RAP1GAP2: variants seen among roughly 807,000 people sequenced by gnomAD.
RAP1GAP2 encodes the protein RAP1 GTPase activating protein 2, also known as rap1 GTPase-activating protein 2.
A neutral mutation model predicts 95.0 loss-of-function variants in RAP1GAP2; 27 were observed. That is an observed-to-expected ratio of 0.28 (90% CI 0.21 to 0.39). The LOEUF (loss-of-function observed/expected upper bound fraction) is 0.39. RAP1GAP2 is among the 10% of genes least tolerant of loss of function. The pLI is 1.00. For missense variants in RAP1GAP2, 771 were observed against 970.0 expected (o/e 0.79, Z 2.72); for synonymous variants, 373 against 380.9 (o/e 0.98, Z 0.24).
At position 2,800,704 on chromosome 17, in the gene RAP1GAP2, T is replaced by G. The variant is rs2069251717; in HGVS notation, c.80+154T>G. Among the ~76,000 whole-genome samples, 5 of 152,260 alleles carry G rather than the reference T, an allele frequency of 3.3e-5. 1 individual carries two copies. In the Middle Eastern group the frequency reaches 0.01, roughly 311 times the overall value. ...ATGGTGCTTCCAGATCGGAGGAGGCTGGACTAACTCTTATTCCTGGGGTGT... is the reference window on the plus strand; with the variant it reads ...ATGGTGCTTCCAGATCGGAGGAGGCGGGACTAACTCTTATTCCTGGGGTGT... On this transcript the variant is annotated intron_variant, in intron 2 of 24. Transcript: ENST00000254695.
chr17:3,031,579 C>T (rs2047301466), intron 23 of RAP1GAP2, among the ~76,000 whole-genome samples: 1 of 146,440 alleles, frequency 6.8e-6, no homozygotes, highest in Non-Finnish European at 1.5e-5. Flanking sequence ...GTTCCTGGGT[C>T]CCGAATCCCT....
At chr17:2,923,816 A>G (rs1253768547) in intron 3 of RAP1GAP2, among the ~76,000 whole-genome samples, 2 of 152,246 alleles carry the variant, frequency 1.3e-5, no homozygotes, top group Non-Finnish European at 2.9e-5. Context: ...CCATCCAGAA[A>G]TATCCGTTCT....
intron 3 of RAP1GAP2, among the ~76,000 whole-genome samples, chr17:2,907,758 C>T (rs1187168450): frequency 6.6e-6 from 1 of 152,004 alleles, no homozygotes; most frequent in African/African-American, 2.4e-5. Flanking sequence ...TTTGCGAGCC[C>T]CTTAGAAATG....
At chr17:2,905,126 G>A (rs535695049) in intron 2 of RAP1GAP2, among the ~76,000 whole-genome samples, 158 bp from the exon 3 acceptor site, 7 of 152,296 alleles carry the variant, frequency 4.6e-5, no homozygotes, top group Non-Finnish European at 7.4e-5. Context: ...CAGGTGATCC[G>A]TCTGCCTCGG....
At chr17:2,822,093 A>C (rs560335863) in intron 2 of RAP1GAP2, among the ~76,000 whole-genome samples, 1 of 152,308 alleles carries the variant, frequency 6.6e-6, no homozygotes, top group South Asian at 2.1e-4. Context: ...TTGGGCAGAC[A>C]GAACTGTCAC....
chr17:3,003,000 C>T (rs1407598910), intron 14 of RAP1GAP2, among the ~76,000 whole-genome samples: 5 of 151,682 alleles, frequency 3.3e-5, no homozygotes, highest in East Asian at 1.9e-4. Context: ...GGCCACTGGG[C>T]GACAGTGGTT....
At chr17:2,921,577 G>C (rs1035985572) in intron 3 of RAP1GAP2, among the ~76,000 whole-genome samples, 1 of 151,814 alleles carries the variant, frequency 6.6e-6, no homozygotes, top group Non-Finnish European at 1.5e-5. Flanking sequence ...TAAAGTGTCC[G>C]CAGGGCCTTT....
Position 2,959,561 on chromosome 17 carries a change from C to T in RAP1GAP2, c.201+1767C>T, listed in dbSNP as rs75127971. ...CGTGGGCCTTGAGCCTGGGCTCCATCTCTCTTCATCTTGCACGTGTGGAAA... is the reference window on the plus strand; with the variant it reads ...CGTGGGCCTTGAGCCTGGGCTCCATTTCTCTTCATCTTGCACGTGTGGAAA... On this transcript the variant is annotated intron_variant, in intron 4 of 24. Transcript: ENST00000254695. 3.2e-3 allele frequency among the ~76,000 whole-genome samples: 489 copies of T among 152,324 alleles called. 7 individuals are homozygous for T. The highest frequency in any genetic ancestry group is 0.027 in the South Asian group (128 of 4,830).
At chr17:2,915,492 T>C (rs549878644) in intron 3 of RAP1GAP2, among the ~76,000 whole-genome samples, 2 of 151,852 alleles carry the variant, frequency 1.3e-5, no homozygotes, top group South Asian at 4.2e-4. Context: ...ACCTTGGCTT[T>C]CCAAAGTGCT....
At chr17:2,984,597 A>G (rs180858130) in intron 10 of RAP1GAP2, among the ~76,000 whole-genome samples, 1 of 152,212 alleles carries the variant, frequency 6.6e-6, no homozygotes, top group Admixed American at 6.5e-5. Flanking sequence ...TGCTGATTAG[A>G]GGTGGAATTA....
Position 3,005,330 on chromosome 17 carries a change from C to T in RAP1GAP2, c.1201-39C>T. On this transcript the variant is annotated intron_variant, in intron 14 of 24. Coordinates refer to ENST00000254695, the MANE Select transcript of RAP1GAP2 (RefSeq NM_015085.5). The surrounding 1 kb of genome is among the most constrained non-coding windows in gnomAD (Gnocchi z 5.2). ...GCTCCCGTAGGGGCAGCGCTCGTCTCTTCCCTCCAGGTCCGTACCATGACT... is the reference window on the plus strand; with the variant it reads ...GCTCCCGTAGGGGCAGCGCTCGTCTTTTCCCTCCAGGTCCGTACCATGACT... 1.3e-6 allele frequency: 2 copies of T among 1,592,010 alleles called. No individual in the cohort carries two copies. Among genetic ancestry groups the T allele is most frequent in the African/African-American group, 1.3e-5 (1 of 74,596 alleles).
At chr17:2,830,315 G>T (rs2070767389) in intron 2 of RAP1GAP2, among the ~76,000 whole-genome samples, 1 of 152,220 alleles carries the variant, frequency 6.6e-6, no homozygotes, top group African/African-American at 2.4e-5. Context: ...TCGGGAGGCT[G>T]AGGGAGGAGA....
In RAP1GAP2 at chr17:2,866,907, T is replaced by C. The variant is rs1379756898; in HGVS notation, c.81-38377T>C. Among the ~76,000 whole-genome samples, 1 of 146,936 alleles carries C rather than the reference T, an allele frequency of 6.8e-6. No individual in the cohort carries two copies. Among genetic ancestry groups the C allele is most frequent in the Non-Finnish European group, 1.5e-5 (1 of 67,022 alleles). On this transcript the variant is annotated intron_variant, in intron 2 of 24. Coordinates refer to ENST00000254695, the MANE Select transcript of RAP1GAP2 (RefSeq NM_015085.5). The surrounding 1 kb of genome is among the most constrained non-coding windows in gnomAD (Gnocchi z 4.0). Reference sequence around the variant, plus strand: ...GAGCCACTGCACTCGGCCTATTTTATTTTTTATTTTAGAGATGGAGTCTCA... The same window carrying C: ...GAGCCACTGCACTCGGCCTATTTTACTTTTTATTTTAGAGATGGAGTCTCA...
chr17:2,758,070 C>T (rs572622888), intron 1 of RAP1GAP2, among the ~76,000 whole-genome samples: 105 of 150,740 alleles, frequency 7.0e-4, no homozygotes, highest in Admixed American at 6.7e-4. Context: ...GGGGTTTCAC[C>T]ATGTTAGCCC....
Position 2,911,832 on chromosome 17 carries a change from C to T in RAP1GAP2, c.165+6464C>T, listed in dbSNP as rs191165398. Reference sequence around the variant, plus strand: ...GGGTTGATTCTCCTGATTCTCTCGACGCTCATGGGAAGGACACAGAGCATT... The same window carrying T: ...GGGTTGATTCTCCTGATTCTCTCGATGCTCATGGGAAGGACACAGAGCATT... On this transcript the variant is annotated intron_variant, in intron 3 of 24. Transcript: ENST00000254695. Among the ~76,000 whole-genome samples the T allele has an allele frequency of 3.9e-5, 6 of 152,256 alleles. No individual in the cohort carries two copies. In the South Asian group the frequency reaches 6.2e-4, roughly 16 times the overall value.
At chr17:2,897,028 C>T (rs2041853062) in intron 2 of RAP1GAP2, among the ~76,000 whole-genome samples, 1 of 152,208 alleles carries the variant, frequency 6.6e-6, no homozygotes, top group African/African-American at 2.4e-5. Context: ...CACTTGAGGG[C>T]CTTGGCACTT....
chr17:3,026,921 G>A (rs367565203), intron 21 of RAP1GAP2, 23 bp from the exon 22 acceptor site: 531 of 1,546,202 alleles, frequency 3.4e-4, no homozygotes, highest in Non-Finnish European at 4.4e-4. Context: ...GGCTGGCCTC[G>A]CTCACCCTGC....
intron 1 of RAP1GAP2, among the ~76,000 whole-genome samples, chr17:2,785,812 C>G (rs1037052092): frequency 2.0e-5 from 3 of 151,514 alleles, no homozygotes; most frequent in Admixed American, 6.6e-5. Context: ...TGACCTTGGA[C>G]GAGTCTCTTA....
At chr17:3,030,431 C>A (rs1464653263) in intron 22 of RAP1GAP2, among the ~76,000 whole-genome samples, 1 of 152,126 alleles carries the variant, frequency 6.6e-6, no homozygotes, top group Non-Finnish European at 1.5e-5. Flanking sequence ...ACAAAACAAT[C>A]AATCAAGTCA....
Sources: allele counts gnomAD v4.1 joint callset (sites outside exome capture counted in the v4.1 genomes callset), GRCh38; gene constraint gnomAD v4.1.1; non-coding constraint Gnocchi (gnomAD v3.1); transcripts MANE v1.5; gene names NCBI Gene and HGNC (gene_info 2026-07-23, HGNC 2026-07-21).